Variants in NDE1 observed in about 807,000 individuals in gnomAD.
NDE1 encodes the protein nuclear distribution protein nudE homolog 1.
A neutral mutation model predicts 43.4 loss-of-function variants in NDE1; 28 were observed. The ratio of observed to expected loss-of-function variants is 0.65; its 90% confidence interval spans 0.48 to 0.89. The LOEUF (loss-of-function observed/expected upper bound fraction) is 0.89. Among genes scored for constraint, NDE1 ranks in the 40% least tolerant of loss-of-function variants. NDE1 has a pLI of 0.00. For synonymous variants in NDE1, 184 were observed against 172.0 expected (o/e 1.07, Z -0.55); for missense variants, 441 against 434.1 (o/e 1.02, Z -0.14).
At chr16:15,700,465 A>G (rs1198941930) in intron 8 of NDE1, 2 of 139,566 alleles carry the variant, frequency 1.4e-5, no homozygotes, top group Non-Finnish European at 3.1e-5. Flanking sequence ...CTTTTTTGAG[A>G]CAGAGTCATG....
At chr16:15,684,656 TG>T (rs1189209182) in intron 4 of NDE1, 3 of 152,046 alleles carry the variant, frequency 2.0e-5, no homozygotes, top group Non-Finnish European at 4.4e-5. Context: ...ATAAGGAGTT[TG>T]TTAAAATTTC....
At chr16:15,679,775 G>T (rs1042713956) in intron 4 of NDE1, among the ~76,000 whole-genome samples, 8 of 151,100 alleles carry the variant, frequency 5.3e-5, no homozygotes, top group Middle Eastern at 3.4e-3. Flanking sequence ...ACTATTAGTT[G>T]TTTTTTGTTT....
At chr16:15,678,376 T>G (rs1015811903) in intron 4 of NDE1, among the ~76,000 whole-genome samples, 5 of 150,982 alleles carry the variant, frequency 3.3e-5, no homozygotes, top group Non-Finnish European at 5.9e-5. Flanking sequence ...CAGTTTTTTG[T>G]TTTTTTTTGG....
rs1015005153 is a variant in NDE1, at chr16:15,663,895, T to C, written c.-43-841T>C. 3.2e-4 allele frequency among the ~76,000 whole-genome samples: 48 copies of C among 151,972 alleles called. 1 individual carries two copies. The highest frequency in any genetic ancestry group is 2.6e-3 in the Admixed American group (40 of 15,232). On this transcript the variant is annotated intron_variant, in intron 1 of 8. Coordinates refer to ENST00000396354, the MANE Select transcript of NDE1 (RefSeq NM_017668.3). Reference sequence around the variant, plus strand: ...CAGCCTGGCCAACATGGTGAAACCCTGTCTCTACTAAAAATAGAAAAATTA... The same window carrying C: ...CAGCCTGGCCAACATGGTGAAACCCCGTCTCTACTAAAAATAGAAAAATTA...
chr16:15,715,348 G>T, intron 8 of NDE1: 1 of 1,402,714 alleles, frequency 7.1e-7, no homozygotes, highest in Non-Finnish European at 1.0e-6. Context: ...CCTGGAGGTG[G>T]CATCTTGAGT....
chr16:15,714,918 C>T lies in NDE1; in HGVS notation c.948-9273C>T, dbSNP rs2151191803. On this transcript the variant is annotated intron_variant, in intron 8 of 8. Coordinates refer to ENST00000396354, the MANE Select transcript of NDE1 (RefSeq NM_017668.3). ...GCCACGGGCTCCTCACCTGAGCTTG[C>T]TCTTGAGTGCGTTCACCTCGCGGCC... 1 of 1,613,944 alleles carries T rather than the reference C, an allele frequency of 6.2e-7. No homozygotes were observed. The highest frequency in any genetic ancestry group is 8.5e-7 in the Non-Finnish European group (1 of 1,180,028).
intron 8 of NDE1, chr16:15,708,703 G>A: frequency 7.8e-7 from 1 of 1,279,928 alleles, no homozygotes; most frequent in Non-Finnish European, 1.1e-6. Flanking sequence ...TCGTGGAAAT[G>A]TGCAAGGGTT....
chr16:15,708,558 G>T (rs1298648451), intron 8 of NDE1, among the ~76,000 whole-genome samples: 2 of 152,146 alleles, frequency 1.3e-5, no homozygotes, highest in African/African-American at 4.8e-5. Context: ...CACACTGTTG[G>T]GTGTCATGTC....
chr16:15,664,820 A>AGCT lies in NDE1; in HGVS notation c.43_45dup (p.Ala15dup). On this transcript the variant is annotated inframe_insertion, in exon 2 of 9. Coordinates refer to ENST00000396354, the MANE Select transcript of NDE1 (RefSeq NM_017668.3). ...AGACTTTCAGCTCCGAGGAGGAAGA[A>AGCT]GCTAACTATTGGAAAGATCTGGCGA... is the stretch of plus-strand genomic sequence containing the variant. The AGCT allele has an allele frequency of 6.2e-7, 1 of 1,613,828 alleles. No homozygotes were observed. Among genetic ancestry groups the AGCT allele is most frequent in the Non-Finnish European group, 8.5e-7 (1 of 1,179,894 alleles).
rs769211342 is a variant in NDE1 at position 15,704,058 on chromosome 16, G to A, written c.947+7198G>A. ...GTCCGTTTCCTCCTCAGAACCATCT[G>A]CATTTTCAATAACTCTACGTCCTCC... On this transcript the variant is annotated intron_variant, in intron 8 of 8. Coordinates refer to ENST00000396354, the MANE Select transcript of NDE1 (RefSeq NM_017668.3). 29 of 1,613,924 alleles carry A rather than the reference G, an allele frequency of 1.8e-5. No individual in the cohort carries two copies. Among genetic ancestry groups the A allele is most frequent in the Non-Finnish European group, 2.0e-5 (24 of 1,180,002 alleles).
chr16:15,717,196 G>A lies in NDE1; in HGVS notation c.948-6995G>A, dbSNP rs201308235. ...GTGCAATCTTGGCCTCCAGCGCCGC[G>A]ATGGTGGACTTGAACTTGGACTTGA... On this transcript the variant is annotated intron_variant, in intron 8 of 8. Transcript: ENST00000396354. The A allele has an allele frequency of 1.7e-5, 27 of 1,614,196 alleles. No individual in the cohort carries two copies. Among genetic ancestry groups the A allele is most frequent in the African/African-American group, 1.3e-4 (10 of 75,050 alleles).
At chr16:15,684,380 G>A (rs990246597) in intron 4 of NDE1, 3 of 152,130 alleles carry the variant, frequency 2.0e-5, no homozygotes, top group East Asian at 1.9e-4. Flanking sequence ...ATCACCTGAA[G>A]TCGGGAGTTC....
chr16:15,663,503 G>C (rs2037152104), intron 1 of NDE1, among the ~76,000 whole-genome samples: 1 of 151,300 alleles, frequency 6.6e-6, no homozygotes, highest in African/African-American at 2.4e-5. Context: ...CAGCCTCCCA[G>C]TGTGCTGGGA....
intron 8 of NDE1, chr16:15,717,243 G>C (rs1567687790): frequency 3.7e-6 from 6 of 1,614,188 alleles, no homozygotes; most frequent in Non-Finnish European, 5.1e-6. Context: ...ATCTCGTGGA[G>C]CTTGCTCCGG....
intron 1 of NDE1, among the ~76,000 whole-genome samples, chr16:15,644,551 G>A (rs904027233): frequency 2.0e-5 from 3 of 152,200 alleles, no homozygotes; most frequent in African/African-American, 7.2e-5. Context: ...GCTACGGAGG[G>A]AGGATCTCTT....
Position 15,677,802 on chromosome 16 carries a change from A to C in NDE1, c.239A>C (p.Glu80Ala). The C allele has an allele frequency of 6.2e-7, 1 of 1,614,048 alleles. No individual in the cohort carries two copies. Among genetic ancestry groups the C allele is most frequent in the Non-Finnish European group, 8.5e-7 (1 of 1,180,012 alleles). Residue 80 changes from glutamate to alanine, a missense_variant and splice_region_variant, in exon 4 of 9, where the codon GAG becomes GCG. Glu to Ala is a moderately radical substitution (Grantham distance 107, BLOSUM62 -1). Coordinates refer to ENST00000396354, the MANE Select transcript of NDE1 (RefSeq NM_017668.3). ...RLRMELETIK[E>A]KFEVQHSEGY... ...CTCAGTGTCTGTGTTGTCCTTCAGG[A>C]GAAGTTTGAAGTGCAGCACTCTGAA...
chr16:15,720,733 A>C, intron 8 of NDE1: 1 of 1,146,412 alleles, frequency 8.7e-7, no homozygotes, highest in Non-Finnish European at 1.3e-6. Flanking sequence ...ACTCTGTTTC[A>C]AAAAAAAATA....
chr16:15,660,017 G>A (rs1490932129), intron 1 of NDE1, among the ~76,000 whole-genome samples: 2 of 152,068 alleles, frequency 1.3e-5, no homozygotes, highest in Admixed American at 6.6e-5. Flanking sequence ...AAAGTGCTGG[G>A]ATTACAGATG....
chr16:15,715,036 C>G, intron 8 of NDE1: 1 of 1,613,848 alleles, frequency 6.2e-7, no homozygotes, highest in Non-Finnish European at 8.5e-7. Flanking sequence ...TCTGCCTCCT[C>G]CAGCTGCCTC....
Sources: gnomAD v4.1 joint callset for allele counts (sites outside exome capture counted in the v4.1 genomes callset) on GRCh38, gnomAD v4.1.1 for gene constraint, MANE v1.5 for transcripts, NCBI Gene and HGNC (gene_info 2026-07-23, HGNC 2026-07-21) for gene names.